Variants in MBP observed in about 807,000 individuals in gnomAD.
MBP encodes Golli-MBP.
MBP carries 16 observed loss-of-function variants against 35.8 expected under a neutral mutation model. That is an observed-to-expected ratio of 0.45 (90% CI 0.30 to 0.68). MBP has a LOEUF of 0.68. MBP is among the 30% of genes least tolerant of loss of function. The pLI, the probability that MBP is intolerant of heterozygous loss-of-function variation, is 0.08. For synonymous variants in MBP, 143 were observed against 159.6 expected (o/e 0.90, Z 0.78); for missense variants, 380 against 404.7 (o/e 0.94, Z 0.52).
At chr18:77,054,571 A>G (rs1002959528) in intron 3 of MBP, among the ~76,000 whole-genome samples, 1 of 152,216 alleles carries the variant, frequency 6.6e-6, no homozygotes, top group African/African-American at 2.4e-5. Context: ...AGGTGGGCAG[A>G]GGAGGGCTTG....
chr18:77,115,336 C>G (rs975855326), intron 1 of MBP: 1 of 152,264 alleles, frequency 6.6e-6, no homozygotes, highest in Non-Finnish European at 1.5e-5. Context: ...CTCTTGATAG[C>G]CTGTGTGCAG....
intron 2 of MBP, among the ~76,000 whole-genome samples, chr18:77,073,299 C>T (rs1392630698): frequency 3.3e-5 from 5 of 152,164 alleles, no homozygotes; most frequent in Admixed American, 6.5e-5. Context: ...ACACTAGGCT[C>T]ATGTTAAGAA....
At chr18:77,088,148 G>A (rs1214552451) in intron 2 of MBP, among the ~76,000 whole-genome samples, 1 of 152,178 alleles carries the variant, frequency 6.6e-6, no homozygotes, top group Non-Finnish European at 1.5e-5. Flanking sequence ...GAGTGCTGGG[G>A]CCTCAATAAA....
intron 4 of MBP, among the ~76,000 whole-genome samples, chr18:77,001,861 A>G (rs1970653754): frequency 6.6e-6 from 1 of 152,134 alleles, no homozygotes; most frequent in Non-Finnish European, 1.5e-5. Flanking sequence ...AAAAAAAGAA[A>G]AGAAAAAAAG....
At position 76,980,202 on chromosome 18, in the gene MBP, C is replaced by G. The variant is rs1173650442; in HGVS notation, c.*225G>C. On this transcript the variant is annotated 3_prime_UTR_variant, in exon 9 of 9. Transcript: ENST00000355994. ...CGGGGGAAGGAACGTGATCTTCACA[C>G]AGAAAGGGACAGTTTTAACCGTTTT... 3.1e-6 allele frequency: 2 copies of G among 637,534 alleles called. No individual in the cohort carries two copies. The highest frequency in any genetic ancestry group is 5.0e-5 in the Admixed American group (2 of 39,922). 39.5% of individuals were successfully genotyped at this position (637,534 alleles called of 1,614,324 possible). A position where few individuals can be genotyped will look rare whatever the true frequency, so the allele number is the denominator to read the frequency against.
chr18:77,042,069 C>G (rs898989560), intron 3 of MBP, among the ~76,000 whole-genome samples: 12 of 152,180 alleles, frequency 7.9e-5, no homozygotes, highest in African/African-American at 2.7e-4. Flanking sequence ...CCACCTGGAG[C>G]TCTCCAACAC....
At position 77,047,595 on chromosome 18, in the gene MBP, C is replaced by T. The variant is rs112900430; in HGVS notation, c.139+18703G>A. Among the ~76,000 whole-genome samples, 1,172 of 152,276 alleles carry T rather than the reference C, an allele frequency of 7.7e-3. 41 individuals are homozygous for T. The East Asian group carries it at 0.1, about 13-fold the overall frequency. On this transcript the variant is annotated intron_variant, in intron 3 of 8. Coordinates refer to ENST00000355994, the MANE Select transcript of MBP (RefSeq NM_001025101.2). Reference sequence around the variant, plus strand: ...ACAGTTCTGGGGATACACTAAAAACCGTTAATGTGTACACTGAAAATGGCT... The same window carrying T: ...ACAGTTCTGGGGATACACTAAAAACTGTTAATGTGTACACTGAAAATGGCT...
intron 3 of MBP, among the ~76,000 whole-genome samples, chr18:77,023,806 C>T (rs1008686986): frequency 6.6e-6 from 1 of 152,198 alleles, no homozygotes; most frequent in African/African-American, 2.4e-5. Context: ...GTGCGTCTTA[C>T]CCTCCAGTAC....
At chr18:77,019,371 TAAG>T (rs767992080) in intron 3 of MBP, among the ~76,000 whole-genome samples, 4 of 152,128 alleles carry the variant, frequency 2.6e-5, no homozygotes, top group Non-Finnish European at 5.9e-5. Flanking sequence ...GGTGTCCTTG[TAAG>T]AAGAGAGCAG....
chr18:77,091,215 A>C (rs1975509351), intron 2 of MBP, among the ~76,000 whole-genome samples: 1 of 152,202 alleles, frequency 6.6e-6, no homozygotes, highest in African/African-American at 2.4e-5. Flanking sequence ...ACTTATCCTA[A>C]ATCACTGTGG....
At chr18:77,093,603 A>T (rs1455471027) in intron 2 of MBP, among the ~76,000 whole-genome samples, 1 of 152,216 alleles carries the variant, frequency 6.6e-6, no homozygotes. Flanking sequence ...CCAAGCATGG[A>T]CGAGAGACTT....
intron 4 of MBP, chr18:77,010,097 A>C: frequency 1.6e-6 from 1 of 608,144 alleles, no homozygotes; most frequent in Admixed American, 2.7e-5. Flanking sequence ...AGGCATGTGC[A>C]GATGATGGAT....
chr18:76,986,950 C>T (rs1183485251), intron 7 of MBP: 1 of 985,330 alleles, frequency 1.0e-6, no homozygotes, highest in Non-Finnish European at 1.2e-6. Context: ...TGGGGGCTCT[C>T]TGGAACTCCA....
chr18:77,067,908 C>A (rs1974264048), intron 2 of MBP: 2 of 476,524 alleles, frequency 4.2e-6, no homozygotes, highest in Non-Finnish European at 4.2e-6. Context: ...TTATGTACTG[C>A]AGGCTGTTTG....
chr18:77,084,420 G>GCA (rs1568331697), intron 2 of MBP, among the ~76,000 whole-genome samples: 6 of 29,326 alleles, frequency 2.0e-4, no homozygotes, highest in Non-Finnish European at 3.2e-4. Context: ...CGCCCCCCCC[G>GCA]CCACACCACA....
chr18:77,119,817 G>A (rs1976833119), intron 1 of MBP, among the ~76,000 whole-genome samples: 1 of 152,318 alleles, frequency 6.6e-6, no homozygotes, highest in Non-Finnish European at 1.5e-5. Context: ...CGGAAGAAGG[G>A]ACTCAGAGAA....
chr18:77,049,464 G>A (rs1011424293), intron 3 of MBP, among the ~76,000 whole-genome samples: 3 of 152,184 alleles, frequency 2.0e-5, no homozygotes, highest in African/African-American at 7.2e-5. Context: ...AAAGCTATCT[G>A]AGGTAGCTGA....
intron 4 of MBP, among the ~76,000 whole-genome samples, chr18:76,998,712 T>C (rs1348381208): frequency 1.3e-5 from 2 of 152,090 alleles, no homozygotes; most frequent in Non-Finnish European, 2.9e-5. Context: ...ACACACAGTG[T>C]TAGGGTGGCT....
chr18:77,007,355 C>T (rs1001066046), intron 4 of MBP, among the ~76,000 whole-genome samples: 13 of 152,314 alleles, frequency 8.5e-5, no homozygotes, highest in African/African-American at 2.6e-4. Flanking sequence ...CGTGGGATTG[C>T]CACCGTCTTC....
Sources: gnomAD v4.1 joint callset for allele counts (sites outside exome capture counted in the v4.1 genomes callset) on GRCh38, gnomAD v4.1.1 for gene constraint, MANE v1.5 for transcripts, NCBI Gene and HGNC (gene_info 2026-07-23, HGNC 2026-07-21) for gene names.